Variants in LRRTM4 observed in about 807,000 individuals in gnomAD.
LRRTM4 encodes the protein leucine rich repeat transmembrane neuronal 4, also known as leucine-rich repeat transmembrane neuronal protein 4.
In LRRTM4, 25 loss-of-function variants were observed where a neutral mutation model predicts 47.6. The ratio of observed to expected loss-of-function variants is 0.53; its 90% confidence interval spans 0.38 to 0.73. The LOEUF is 0.73. Among genes scored for constraint, LRRTM4 ranks in the 30% least tolerant of loss-of-function variants. The pLI is 0.00. For synonymous variants in LRRTM4, 311 were observed against 269.5 expected, an observed-to-expected ratio of 1.15 and a Z score of -1.51; for missense variants, 638 against 713.4, an observed-to-expected ratio of 0.89 and a Z score of 1.20.
intron 2 of LRRTM4, among the ~76,000 whole-genome samples, chr2:77,520,442 T>C (rs1346289250): frequency 6.6e-6 from 1 of 152,036 alleles, no homozygotes; most frequent in Non-Finnish European, 1.5e-5. Flanking sequence ...GAGACTAGTA[T>C]AGGCAGCCAA....
intron 3 of LRRTM4, among the ~76,000 whole-genome samples, chr2:77,258,521 A>G (rs767532112): frequency 1.3e-5 from 2 of 152,130 alleles, no homozygotes; most frequent in Non-Finnish European, 2.9e-5. Context: ...CCCTGAATAT[A>G]TAATACCTGA....
At chr2:76,800,956 C>T (rs1675640882) in intron 3 of LRRTM4, among the ~76,000 whole-genome samples, 1 of 150,688 alleles carries the variant, frequency 6.6e-6, no homozygotes, top group South Asian at 2.1e-4. Context: ...ATGAAAACCA[C>T]AATGAGATAC....
At chr2:77,503,788 C>A (rs1678662908) in intron 3 of LRRTM4, among the ~76,000 whole-genome samples, 1 of 151,350 alleles carries the variant, frequency 6.6e-6, no homozygotes, top group South Asian at 2.1e-4. Flanking sequence ...GTACAGAAGT[C>A]AAGGGAGGAA....
intron 3 of LRRTM4, among the ~76,000 whole-genome samples, chr2:77,511,689 G>T (rs1160654333): frequency 6.6e-6 from 1 of 151,298 alleles, no homozygotes; most frequent in Admixed American, 6.6e-5. Context: ...TTGTGTTCAG[G>T]GTTTTCCTTT....
intron 3 of LRRTM4, among the ~76,000 whole-genome samples, chr2:77,245,115 G>A (rs1046828520): frequency 9.9e-5 from 15 of 152,122 alleles, no homozygotes; most frequent in Middle Eastern, 3.2e-3. Context: ...CATGACAAAT[G>A]CTACTGAGAG....
intron 3 of LRRTM4, among the ~76,000 whole-genome samples, chr2:77,499,663 C>T (rs1034004280): frequency 2.0e-5 from 3 of 151,874 alleles, no homozygotes; most frequent in Non-Finnish European, 2.9e-5. Context: ...AAAAAGCTTA[C>T]GACTAAGCCT....
At chr2:76,992,853 A>T (rs557269700) in intron 3 of LRRTM4, among the ~76,000 whole-genome samples, 3 of 148,156 alleles carry the variant, frequency 2.0e-5, no homozygotes, top group South Asian at 2.1e-4. Context: ...TGGGTGTATC[A>T]TATTACTTGA....
intron 3 of LRRTM4, among the ~76,000 whole-genome samples, chr2:76,880,079 A>G (rs1194424563): frequency 6.6e-6 from 1 of 152,224 alleles, no homozygotes; most frequent in African/African-American, 2.4e-5. Flanking sequence ...ATGCTGTTAT[A>G]ATTATTGAAA....
At chr2:76,771,363 TG>T (rs912803926) in intron 3 of LRRTM4, among the ~76,000 whole-genome samples, 2 of 152,050 alleles carry the variant, frequency 1.3e-5, no homozygotes, top group African/African-American at 4.8e-5. Flanking sequence ...AAGAAAACAA[TG>T]GCTGACTCAG....
intron 3 of LRRTM4, among the ~76,000 whole-genome samples, chr2:77,313,053 T>C (rs1482880767): frequency 6.6e-6 from 1 of 152,208 alleles, no homozygotes; most frequent in Non-Finnish European, 1.5e-5. Context: ...CATTAACCCA[T>C]AGACATAGAT....
chr2:76,919,936 A>G (rs1477006781), intron 3 of LRRTM4, among the ~76,000 whole-genome samples: 1 of 152,128 alleles, frequency 6.6e-6, no homozygotes, highest in African/African-American at 2.4e-5. Context: ...ACTTTTAACA[A>G]TCGGAAGACA....
intron 3 of LRRTM4, among the ~76,000 whole-genome samples, chr2:76,974,165 T>TTC (rs1676320757): frequency 1.2e-5 from 1 of 80,670 alleles, no homozygotes; most frequent in South Asian, 2.8e-4. Context: ...CATATATATA[T>TTC]ATACATACAT....
At chr2:77,064,115 A>G (rs1679879411) in intron 3 of LRRTM4, among the ~76,000 whole-genome samples, 1 of 152,196 alleles carries the variant, frequency 6.6e-6, no homozygotes, top group Admixed American at 6.5e-5. Flanking sequence ...AACATAATTT[A>G]AAAGAAATTT....
chr2:77,010,811 A>C (rs1677843941), intron 3 of LRRTM4, among the ~76,000 whole-genome samples: 2 of 152,244 alleles, frequency 1.3e-5, no homozygotes, highest in South Asian at 4.1e-4. Flanking sequence ...GTTGAGAATG[A>C]GATTAGTCAA....
intron 3 of LRRTM4, among the ~76,000 whole-genome samples, chr2:76,862,580 G>C (rs148179372): frequency 6.6e-6 from 1 of 152,124 alleles, no homozygotes; most frequent in African/African-American, 2.4e-5. Context: ...CTTCCTGACC[G>C]AAAGAAAAAG....
chr2:76,795,720 G>T (rs546342524), intron 3 of LRRTM4, among the ~76,000 whole-genome samples: 1 of 152,020 alleles, frequency 6.6e-6, no homozygotes, highest in Non-Finnish European at 1.5e-5. Context: ...TACTGATGTC[G>T]TTTCCTTTGG....
chr2:76,848,603 GTTCA>G (rs1384910412), intron 3 of LRRTM4, among the ~76,000 whole-genome samples: 6 of 152,090 alleles, frequency 3.9e-5, no homozygotes, highest in African/African-American at 4.8e-5. Context: ...AAAATCTCCA[GTTCA>G]TTATTATTTT....
intron 3 of LRRTM4, among the ~76,000 whole-genome samples, chr2:77,005,988 A>G (rs553602813): frequency 2.0e-5 from 3 of 152,356 alleles, no homozygotes; most frequent in African/African-American, 7.2e-5. Context: ...TCATAATCAC[A>G]TAGCAAATAG....
At chr2:77,381,484 G>A (rs1485923125) in intron 3 of LRRTM4, among the ~76,000 whole-genome samples, 1 of 152,026 alleles carries the variant, frequency 6.6e-6, no homozygotes, top group Non-Finnish European at 1.5e-5. Context: ...AAATCAGTAA[G>A]AGTCATACAG....
Sources: allele counts gnomAD v4.1 joint callset (sites outside exome capture counted in the v4.1 genomes callset), GRCh38; gene constraint gnomAD v4.1.1; transcripts MANE v1.5; gene names NCBI Gene and HGNC (gene_info 2026-07-23, HGNC 2026-07-21).